Variants in DPYSL3 observed in about 807,000 individuals in gnomAD.
DPYSL3 encodes dihydropyrimidinase-related protein 3.
A neutral mutation model predicts 66.1 loss-of-function variants in DPYSL3; 16 were observed. The ratio of observed to expected loss-of-function variants is 0.24; its 90% CI spans 0.16 to 0.37. The LOEUF (loss-of-function observed/expected upper bound fraction) is 0.37. DPYSL3 is among the 10% of genes least tolerant of loss of function. DPYSL3 has a pLI of 1.00. For missense variants in DPYSL3, 738 were observed against 916.2 expected (o/e 0.81, Z 2.51); for synonymous variants, 338 against 345.1 (o/e 0.98, Z 0.23).
intron 1 of DPYSL3, among the ~76,000 whole-genome samples, chr5:147,441,694 T>C (rs1162283421): frequency 6.6e-6 from 1 of 152,230 alleles, no homozygotes; most frequent in African/African-American, 2.4e-5. Context: ...CCGTATGACC[T>C]TGGCAAATTA....
At chr5:147,495,232 T>G (rs1753482420) in intron 1 of DPYSL3, among the ~76,000 whole-genome samples, 1 of 152,242 alleles carries the variant, frequency 6.6e-6, no homozygotes, top group African/African-American at 2.4e-5. Flanking sequence ...CACATTAAAA[T>G]CTAACACAGA....
intron 1 of DPYSL3, among the ~76,000 whole-genome samples, chr5:147,456,893 T>TTCTATCTTTTAAATG (rs1311623723): frequency 6.6e-6 from 1 of 151,920 alleles, no homozygotes; most frequent in African/African-American, 2.4e-5. Context: ...ACCCAGCCAG[T>TTCTATCTTTTAAATG]TCTATCTTTT....
chr5:147,456,375 A>G (rs1272088897), intron 1 of DPYSL3, among the ~76,000 whole-genome samples: 1 of 152,156 alleles, frequency 6.6e-6, no homozygotes, highest in African/African-American at 2.4e-5. Context: ...GAGGGAGAGG[A>G]AGATGTAGAA....
chr5:147,459,321 T>C (rs1165494181), intron 1 of DPYSL3, among the ~76,000 whole-genome samples: 1 of 152,124 alleles, frequency 6.6e-6, no homozygotes, highest in African/African-American at 2.4e-5. Flanking sequence ...AAAATAAATA[T>C]AGAAGAGTTT....
At chr5:147,423,555 A>C (rs1246750625) in intron 2 of DPYSL3, among the ~76,000 whole-genome samples, 1 of 151,572 alleles carries the variant, frequency 6.6e-6, no homozygotes, top group Non-Finnish European at 1.5e-5. Flanking sequence ...CTCTTATCAA[A>C]ATTTTTTGTG....
intron 1 of DPYSL3, among the ~76,000 whole-genome samples, chr5:147,449,107 T>C (rs1465826547): frequency 6.6e-6 from 1 of 152,156 alleles, no homozygotes; most frequent in Non-Finnish European, 1.5e-5. Context: ...ATGACACCCA[T>C]TGAAGCAAGA....
At chr5:147,453,658 C>T (rs1752786555) in intron 1 of DPYSL3, 1 of 1,485,370 alleles carries the variant, frequency 6.7e-7, no homozygotes, top group Non-Finnish European at 9.0e-7. Context: ...GCGCCTTCCT[C>T]AGCGCACAGC....
Position 147,415,848 on chromosome 5 carries a change from C to G in DPYSL3, c.681G>C (p.Glu227Asp). 1 of 1,613,990 alleles carries G rather than the reference C, an allele frequency of 6.2e-7. No individual in the cohort carries two copies. Among genetic ancestry groups the G allele is most frequent in the Non-Finnish European group, 8.5e-7 (1 of 1,179,940 alleles). The change falls in exon 4 of 14, where the codon GAG becomes GAC. Residue 227 changes from glutamate (E) to aspartate (D), a missense_variant. Physicochemically the swap from Glu to Asp is conservative, Grantham distance 45. Coordinates refer to ENST00000343218, the MANE Select transcript of DPYSL3 (RefSeq NM_001197294.2). ...TCTCATAGGCCTCAGTCAGGCTGGA[C>G]TCAGGCTCAGGCACCACATGGTCAA... ...MIIDHVVPEPESSLTEAYEKW... is the reference protein window; with the variant it reads ...MIIDHVVPEPDSSLTEAYEKW...
chr5:147,406,398 A>G (rs1256841429), intron 7 of DPYSL3, among the ~76,000 whole-genome samples: 3 of 152,194 alleles, frequency 2.0e-5, no homozygotes, highest in Non-Finnish European at 4.4e-5. Flanking sequence ...GCTCTCTCAG[A>G]TGGCCTGGTT....
At chr5:147,409,976 G>C (rs1413861709) in intron 6 of DPYSL3, among the ~76,000 whole-genome samples, 1 of 152,166 alleles carries the variant, frequency 6.6e-6, no homozygotes, top group Non-Finnish European at 1.5e-5. Context: ...CATGAGAAGT[G>C]AAATGGTCAC....
intron 5 of DPYSL3, 21 bp from the exon 6 acceptor site, chr5:147,412,709 T>C: frequency 6.2e-7 from 1 of 1,600,386 alleles, no homozygotes; most frequent in Non-Finnish European, 8.5e-7. Context: ...AATGAGTCTT[T>C]GTCACTCTTG....
At chr5:147,446,508 G>A (rs1030664) in intron 1 of DPYSL3, among the ~76,000 whole-genome samples, 3,764 of 152,260 alleles carry the variant, frequency 0.025, 149 homozygotes, top group African/African-American at 0.081. Context: ...TGTTCCAAAT[G>A]GGTTCCTGGA....
In DPYSL3 at chr5:147,492,956, A is replaced by G. The variant is rs1753438872; in HGVS notation, c.381+16522T>C. ...TATTAACTACAAAAAACCCACTTCA[A>G]GTACAAAGGCACAGAGATATTAAAA... On this transcript the variant is annotated intron_variant, in intron 1 of 13. Transcript: ENST00000343218. Among the ~76,000 whole-genome samples the G allele has an allele frequency of 2.0e-5, 3 of 152,246 alleles. 1 individual carries two copies. The South Asian group carries it at 6.2e-4, about 31-fold the overall frequency.
chr5:147,480,795 T>TC (rs1057016880), intron 1 of DPYSL3, among the ~76,000 whole-genome samples: 2 of 151,134 alleles, frequency 1.3e-5, no homozygotes, highest in African/African-American at 4.8e-5. Context: ...CGATCTCAGC[T>TC]CACTGCAACC....
chr5:147,434,155 A>G (rs965795174), intron 1 of DPYSL3, among the ~76,000 whole-genome samples: 7 of 152,202 alleles, frequency 4.6e-5, no homozygotes, highest in African/African-American at 1.7e-4. Flanking sequence ...AATCCAAATT[A>G]CAGTACAAAT....
rs1753722897 is a variant in DPYSL3, at chr5:147,509,234, C to T, written c.381+244G>A. On this transcript the variant is annotated intron_variant, in intron 1 of 13. Transcript: ENST00000343218. This position sits in a 1 kb window ranked among gnomAD's most constrained non-coding sequence, Gnocchi z 5.3. ...GAGGAGGCAGGGGCAAAGGACGCGG[C>T]TCCAGGCAGGGGAACCCGGGCATCC... is the stretch of plus-strand genomic sequence containing the variant. Among the ~76,000 whole-genome samples, 1 of 152,188 alleles carries T rather than the reference C, an allele frequency of 6.6e-6. No homozygotes were observed. The highest frequency in any genetic ancestry group is 2.4e-5 in the African/African-American group (1 of 41,468).
intron 1 of DPYSL3, among the ~76,000 whole-genome samples, chr5:147,504,267 A>T (rs530558779): frequency 3.9e-5 from 6 of 152,312 alleles, no homozygotes; most frequent in South Asian, 2.1e-4. Context: ...GTCTCCAGGG[A>T]CCATTACTTT....
chr5:147,435,146 A>T (rs1444717375), intron 1 of DPYSL3, among the ~76,000 whole-genome samples: 1 of 152,158 alleles, frequency 6.6e-6, no homozygotes, highest in African/African-American at 2.4e-5. Flanking sequence ...CAGGCAGAAA[A>T]ATCTTTTGTC....
intron 1 of DPYSL3, among the ~76,000 whole-genome samples, chr5:147,477,814 C>G (rs1362213798): frequency 1.3e-5 from 2 of 151,208 alleles, no homozygotes; most frequent in African/African-American, 4.9e-5. Flanking sequence ...GATCTCCTGA[C>G]CTCATGATCC....
Sources: allele counts gnomAD v4.1 joint callset (sites outside exome capture counted in the v4.1 genomes callset), GRCh38; gene constraint gnomAD v4.1.1; non-coding constraint Gnocchi (gnomAD v3.1); transcripts MANE v1.5; gene names NCBI Gene and HGNC (gene_info 2026-07-23, HGNC 2026-07-21).